Variants in LIN37 observed in about 807,000 individuals in gnomAD.
LIN37 encodes the protein lin-37 DREAM MuvB core complex component.
In LIN37, 21 loss-of-function variants were observed where a neutral mutation model predicts 38.0. The observed-to-expected ratio is 0.55, with a 90% CI of 0.39 to 0.80. The LOEUF is 0.80. LIN37 is among the 30% of genes least tolerant of loss of function. LIN37 has a pLI of 0.00. For missense variants in LIN37, 273 were observed against 338.5 expected, an observed-to-expected ratio of 0.81 and a Z score of 1.52; for synonymous variants, 126 against 122.9, an observed-to-expected ratio of 1.03 and a Z score of -0.17.
At position 35,751,049 on chromosome 19, in the gene LIN37, G is replaced by A. The variant is rs553329090; in HGVS notation, c.35-1127G>A. On this transcript the variant is annotated intron_variant, in intron 1 of 8. Coordinates refer to ENST00000301159, the MANE Select transcript of LIN37 (RefSeq NM_019104.3). ...ATTTAAAATTATACCACTGTTGGCC[G>A]GGCATGGTGGCTCACGCCTGTAAGC... Among the ~76,000 whole-genome samples, 70 of 152,168 alleles carry A rather than the reference G, an allele frequency of 4.6e-4. No individual in the cohort carries two copies. In the South Asian group the frequency reaches 0.011, roughly 24 times the overall value.
At chr19:35,750,635 A>T (rs938942456) in intron 1 of LIN37, among the ~76,000 whole-genome samples, 2 of 151,870 alleles carry the variant, frequency 1.3e-5, no homozygotes, top group African/African-American at 4.8e-5. Flanking sequence ...CCCGAGGGGG[A>T]AAAAAAAGCC....
chr19:35,753,318 AG>A, intron 6 of LIN37, 65 bp downstream of exon 6: 6 of 1,515,674 alleles, frequency 4.0e-6, no homozygotes, highest in Non-Finnish European at 5.3e-6. Context: ...ATAGGCTCAA[AG>A]GATCCTGCCC....
At position 35,753,118 on chromosome 19, in the gene LIN37, C is replaced by T. The variant is rs373853183; in HGVS notation, c.309C>T (p.Ser103=). 76 of 1,605,140 alleles carry T rather than the reference C, an allele frequency of 4.7e-5. No individual in the cohort carries two copies. Among genetic ancestry groups the T allele is most frequent in the South Asian group, 2.4e-4 (21 of 89,070 alleles). ...ATGTGATCAAGCTGTTCGACCGGAG[C>T]GTGGACTTGGCCCAGTTCAGCGAGA... is the stretch of plus-strand genomic sequence containing the variant. ...NTYVIKLFDR[S]VDLAQFSENT... is the part of the protein sequence containing the mutation. The change falls in exon 6 of 9, where the codon AGC becomes AGT. Residue 103 remains serine (S), a synonymous_variant. Coordinates refer to ENST00000301159, the MANE Select transcript of LIN37 (RefSeq NM_019104.3).
chr19:35,749,018 T>C (rs539367797), intron 1 of LIN37: 2 of 1,286,902 alleles, frequency 1.6e-6, no homozygotes, highest in South Asian at 3.8e-5. Flanking sequence ...CCGGTAACTC[T>C]GAGAAGGGCC....
chr19:35,749,011 G>C lies in LIN37; in HGVS notation c.34+253G>C, dbSNP rs2146523995. 5 of 1,317,538 alleles carry C rather than the reference G, an allele frequency of 3.8e-6. No individual in the cohort carries two copies. The South Asian group carries it at 9.0e-5, about 24-fold the overall frequency. The allele number at this position is 1,317,538 out of a possible 1,614,324, so 81.6% of individuals were successfully genotyped here. A position where few individuals can be genotyped will look rare whatever the true frequency, so the allele number is the denominator to read the frequency against. On this transcript the variant is annotated intron_variant, in intron 1 of 8. Transcript: ENST00000301159. ...GTAGGACATGGGGAATCCTGAGCCG[G>C]TAACTCTGAGAAGGGCCCTTTTCTT...
At chr19:35,752,148 A>ACTGGG in intron 1 of LIN37, 28 bp from the exon 2 acceptor site, 1 of 1,560,488 alleles carries the variant, frequency 6.4e-7, no homozygotes, top group Non-Finnish European at 8.7e-7. Flanking sequence ...CTGGGAGCTG[A>ACTGGG]CTCCTGCTGG....
At chr19:35,750,930 C>T (rs1239173115) in intron 1 of LIN37, among the ~76,000 whole-genome samples, 1 of 151,552 alleles carries the variant, frequency 6.6e-6, no homozygotes, top group Non-Finnish European at 1.5e-5. Context: ...CACTGCACTC[C>T]AGCCTGGGAG....
intron 1 of LIN37, among the ~76,000 whole-genome samples, chr19:35,751,258 T>G (rs1401288380): frequency 1.3e-5 from 2 of 151,318 alleles, no homozygotes; most frequent in African/African-American, 4.9e-5. Context: ...GAGGTGGAGG[T>G]TGCAGTGAGC....
rs1376850053 is a variant in LIN37 at position 35,753,009 on chromosome 19, C to G, written c.277+10C>G. ...GGGCCGCAGCGATCCAGTGAGTAGA[C>G]AGTGGCCCTAGAGGGTCGGTAAGGA... On this transcript the variant is annotated intron_variant, in intron 5 of 8. Coordinates refer to ENST00000301159, the MANE Select transcript of LIN37 (RefSeq NM_019104.3). 1.3e-6 allele frequency: 2 copies of G among 1,569,430 alleles called. No homozygotes were observed. Among genetic ancestry groups the G allele is most frequent in the African/African-American group, 1.4e-5 (1 of 73,884 alleles).
At position 35,754,069 on chromosome 19, in the gene LIN37, C is replaced by T. The variant is rs1246304025; in HGVS notation, c.497C>T (p.Pro166Leu). 6.2e-7 allele frequency: 1 copy of T among 1,613,924 alleles called. No individual in the cohort carries two copies. Among genetic ancestry groups the T allele is most frequent in the East Asian group, 2.2e-5 (1 of 44,884 alleles). Residue 166 changes from proline to leucine, a missense_variant, in exon 7 of 9, where the codon CCC (proline) becomes CTC (leucine). Coordinates refer to ENST00000301159, the MANE Select transcript of LIN37 (RefSeq NM_019104.3). ...CGTGATGTGTACAAGCTGCCGCCAC[C>T]CACACCCCCGGGGCCACCCGGAGAT... The part of the protein sequence containing the change: ...KSRDVYKLPP[P>L]TPPGPPGDAC...
chr19:35,752,521 G>T (rs753154215), intron 3 of LIN37, 37 bp downstream of exon 3: 1 of 1,608,302 alleles, frequency 6.2e-7, no homozygotes, highest in Non-Finnish European at 8.5e-7. Flanking sequence ...TTGAGAGTTC[G>T]TGGTTGGTAA....
At chr19:35,748,830 G>A in intron 1 of LIN37, 72 bp downstream of exon 1, 1 of 1,611,784 alleles carries the variant, frequency 6.2e-7, no homozygotes, top group South Asian at 1.1e-5. Flanking sequence ...GTGGAAGGGA[G>A]TATCGCGGAA....
In LIN37 at chr19:35,752,801, C is replaced by T. The variant is rs754202563; in HGVS notation, c.162-3C>T. 4 of 1,609,592 alleles carry T rather than the reference C, an allele frequency of 2.5e-6. No individual in the cohort carries two copies. The highest frequency in any genetic ancestry group is 3.4e-6 in the Non-Finnish European group (4 of 1,178,256). ...TCTGAGGGTCAACTGTCTTTCCCCA[C>T]AGGGACTGCTCCATCGCAGCCACTG... On this transcript the variant is annotated splice_region_variant and splice_polypyrimidine_tract_variant and intron_variant, in intron 3 of 8. Coordinates refer to ENST00000301159, the MANE Select transcript of LIN37 (RefSeq NM_019104.3).
intron 6 of LIN37, chr19:35,753,636 C>T (rs1297272960): frequency 8.3e-6 from 4 of 484,764 alleles, no homozygotes; most frequent in Non-Finnish European, 1.5e-5. Context: ...TCTGACCCAG[C>T]GGGGTAGACA....
intron 1 of LIN37, among the ~76,000 whole-genome samples, chr19:35,751,072 A>G (rs1970676139): frequency 6.6e-6 from 1 of 152,176 alleles, no homozygotes; most frequent in Non-Finnish European, 1.5e-5. Flanking sequence ...CACGCCTGTA[A>G]GCACTTTGGG....
At chr19:35,749,406 C>G in intron 1 of LIN37, among the ~76,000 whole-genome samples, 1 of 152,100 alleles carries the variant, frequency 6.6e-6, no homozygotes, top group East Asian at 1.9e-4. Context: ...GATCCCAGGC[C>G]TGGCATGGTA....
chr19:35,752,349 G>C, intron 2 of LIN37, 85 bp from the exon 3 acceptor site: 1 of 1,582,868 alleles, frequency 6.3e-7, no homozygotes, highest in East Asian at 2.2e-5. Flanking sequence ...ACTTGGGGAG[G>C]AAGGTGCTTA....
rs1970728042 is a variant in LIN37, at chr19:35,754,498, G to A, written c.*24G>A. The A allele has an allele frequency of 6.2e-7, 1 of 1,606,292 alleles. No individual in the cohort carries two copies. Among genetic ancestry groups the A allele is most frequent in the Non-Finnish European group, 8.5e-7 (1 of 1,173,014 alleles). ...GATGTTCCCAGGTCCCCCCACACCA[G>A]TAAACATCCCCCAGCTCCACACTGG... On this transcript the variant is annotated 3_prime_UTR_variant, in exon 9 of 9. Transcript: ENST00000301159.
At position 35,754,146 on chromosome 19, in the gene LIN37, C is replaced by G. The variant is rs1970720706; in HGVS notation, c.574C>G (p.Pro192Ala). The change falls in exon 7 of 9, where the codon CCT (proline) becomes GCT (alanine). Residue 192 changes from proline to alanine, a missense_variant. Coordinates refer to ENST00000301159, the MANE Select transcript of LIN37 (RefSeq NM_019104.3). ...SPLQPEMQGT[P>A]DDEPSEPEPS... ...ACTGCAGCCTGAGATGCAGGGCACC[C>G]CTGACGATGAGGTGAGTATGCCAGG... The G allele has an allele frequency of 1.2e-6, 2 of 1,613,996 alleles. No individual in the cohort carries two copies. The highest frequency in any genetic ancestry group is 1.7e-6 in the Non-Finnish European group (2 of 1,179,878).
Sources: allele counts gnomAD v4.1 joint callset (sites outside exome capture counted in the v4.1 genomes callset), GRCh38; gene constraint gnomAD v4.1.1; transcripts MANE v1.5; gene names NCBI Gene and HGNC (gene_info 2026-07-23, HGNC 2026-07-21).